AGMO: variants seen among roughly 807,000 people sequenced by gnomAD.
AGMO encodes the protein alkylglycerol monooxygenase.
A neutral mutation model predicts 60.2 loss-of-function variants in AGMO; 75 were observed. The observed-to-expected ratio is 1.25, with a 90% CI of 1.03 to 1.51. The LOEUF is 1.51. Ranked by LOEUF, AGMO falls within the 40% of genes most tolerant of loss-of-function variation. The probability of loss-of-function intolerance (pLI) is 0.00; values close to 1 mark genes in which losing one functional copy is unlikely to be tolerated. For missense variants in AGMO, 763 were observed against 525.5 expected, an observed-to-expected ratio of 1.45 and a Z score of -4.42; for synonymous variants, 261 against 177.1, an observed-to-expected ratio of 1.47 and a Z score of -3.76.
At chr7:15,345,592 A>C (rs918166214) in intron 12 of AGMO, among the ~76,000 whole-genome samples, 1 of 152,168 alleles carries the variant, frequency 6.6e-6, no homozygotes, top group African/African-American at 2.4e-5. Flanking sequence ...AGACTGGGAA[A>C]ATGTCTAATT....
intron 12 of AGMO, among the ~76,000 whole-genome samples, chr7:15,254,766 AAAAT>A (rs1322180386): frequency 1.3e-5 from 2 of 152,128 alleles, no homozygotes; most frequent in Non-Finnish European, 2.9e-5. Flanking sequence ...AGACTCAAAC[AAAAT>A]CAGAGATGAA....
intron 3 of AGMO, 79 bp downstream of exon 3, chr7:15,544,693 A>G (rs1326465999): frequency 2.7e-6 from 3 of 1,129,986 alleles, no homozygotes; most frequent in Middle Eastern, 2.2e-4. Flanking sequence ...TATCCATTCA[A>G]TAAATGTTTA....
chr7:15,345,315 C>T (rs1380163132), intron 12 of AGMO, among the ~76,000 whole-genome samples: 1 of 152,126 alleles, frequency 6.6e-6, no homozygotes, highest in East Asian at 1.9e-4. Flanking sequence ...TTTCAGTTCC[C>T]CAACATGGTA....
chr7:15,331,435 T>C (rs1208372097), intron 12 of AGMO, among the ~76,000 whole-genome samples: 3 of 152,148 alleles, frequency 2.0e-5, no homozygotes, highest in African/African-American at 4.8e-5. Context: ...GATTTAAAAA[T>C]GTGTGTCTGT....
chr7:15,542,781 A>G (rs1784666213), intron 3 of AGMO, among the ~76,000 whole-genome samples: 1 of 152,208 alleles, frequency 6.6e-6, no homozygotes, highest in African/African-American at 2.4e-5. Flanking sequence ...TTGCATTTAT[A>G]TATGAGGAAA....
rs920616254 is a variant in AGMO at position 15,391,321 on chromosome 7, C to G, written c.677-416G>C. Among the ~76,000 whole-genome samples, 3 of 151,908 alleles carry G rather than the reference C, an allele frequency of 2.0e-5. No homozygotes were observed. The South Asian group carries it at 6.2e-4, about 32-fold the overall frequency. On this transcript the variant is annotated intron_variant, in intron 6 of 12. Transcript: ENST00000342526. ...TTGATGGGATGTCTATCCTTTTTAA[C>G]TGCATCTGTTTCAGGAAGGAAATTT...
intron 12 of AGMO, among the ~76,000 whole-genome samples, chr7:15,279,610 T>C (rs1056925445): frequency 2.6e-5 from 4 of 152,176 alleles, no homozygotes; most frequent in Admixed American, 6.5e-5. Flanking sequence ...AGATTTACAC[T>C]GTGAACTTTT....
intron 3 of AGMO, among the ~76,000 whole-genome samples, chr7:15,538,313 G>C (rs989446975): frequency 6.6e-6 from 1 of 152,076 alleles, no homozygotes; most frequent in East Asian, 1.9e-4. Context: ...GCTCACTGGA[G>C]CCTAAAATTC....
At chr7:15,305,827 G>C (rs1780598383) in intron 12 of AGMO, among the ~76,000 whole-genome samples, 1 of 151,946 alleles carries the variant, frequency 6.6e-6, no homozygotes, top group African/African-American at 2.4e-5. Context: ...CTCCAGAAAG[G>C]CACTAAGAAT....
chr7:15,122,010 G>A, the AGMO span, among the ~76,000 whole-genome samples: 1 of 152,028 alleles, frequency 6.6e-6, no homozygotes, highest in African/African-American at 2.4e-5. Flanking sequence ...AAGACTTCAC[G>A]ACTAAAACAC....
chr7:15,371,915 T>C (rs1386880694), intron 10 of AGMO, among the ~76,000 whole-genome samples: 1 of 118,582 alleles, frequency 8.4e-6, no homozygotes, highest in East Asian at 2.0e-4. Context: ...AATATTAAAT[T>C]ATTAAGTGTT....
chr7:15,221,401 A>C (rs1316064846), intron 12 of AGMO, among the ~76,000 whole-genome samples: 1 of 152,174 alleles, frequency 6.6e-6, no homozygotes, highest in Non-Finnish European at 1.5e-5. Flanking sequence ...TAATCACAGA[A>C]AGAGAGAAAA....
At chr7:15,267,178 A>C (rs894279732) in intron 12 of AGMO, among the ~76,000 whole-genome samples, 1 of 152,018 alleles carries the variant, frequency 6.6e-6, no homozygotes, top group African/African-American at 2.4e-5. Flanking sequence ...AAATTGGCAG[A>C]GATTTTATGT....
intron 5 of AGMO, among the ~76,000 whole-genome samples, chr7:15,411,073 G>T (rs535094674): frequency 6.6e-6 from 1 of 151,808 alleles, no homozygotes; most frequent in African/African-American, 2.4e-5. Flanking sequence ...TACCTAAATG[G>T]GGAGTGAGTT....
chr7:15,137,172 A>G, the AGMO span, among the ~76,000 whole-genome samples: 1 of 152,176 alleles, frequency 6.6e-6, no homozygotes, highest in African/African-American at 2.4e-5. Flanking sequence ...TCAAGTATTC[A>G]TGGTTTCTGA....
intron 12 of AGMO, among the ~76,000 whole-genome samples, chr7:15,300,379 C>T (rs1457674157): frequency 6.6e-6 from 1 of 152,066 alleles, no homozygotes; most frequent in East Asian, 1.9e-4. Context: ...TGTTGAACAT[C>T]AAAGCATATT....
intron 2 of AGMO, among the ~76,000 whole-genome samples, chr7:15,559,266 G>A (rs1019079863): frequency 6.6e-6 from 1 of 152,030 alleles, no homozygotes; most frequent in African/African-American, 2.4e-5. Flanking sequence ...TACACCTCTT[G>A]CTCTCAAGTT....
chr7:15,377,093 T>C (rs1428027538), intron 10 of AGMO, among the ~76,000 whole-genome samples: 1 of 152,108 alleles, frequency 6.6e-6, no homozygotes, highest in Admixed American at 6.5e-5. Context: ...GATTATTGGC[T>C]ACAGTGAATC....
chr7:15,366,086 G>A, intron 11 of AGMO, 54 bp downstream of exon 11: 3 of 1,376,942 alleles, frequency 2.2e-6, no homozygotes, highest in Non-Finnish European at 3.0e-6. Flanking sequence ...CCACTCTGTG[G>A]AAAATTCTTG....
Sources: allele counts gnomAD v4.1 joint callset (sites outside exome capture counted in the v4.1 genomes callset), GRCh38; gene constraint gnomAD v4.1.1; transcripts MANE v1.5; gene names NCBI Gene and HGNC (gene_info 2026-07-23, HGNC 2026-07-21).